Variants in COG2 observed in about 807,000 individuals in gnomAD.
COG2 encodes the protein component of oligomeric golgi complex 2, also known as conserved oligomeric Golgi complex subunit 2.
In COG2, 52 loss-of-function variants were observed where a neutral mutation model predicts 90.6. That is an observed-to-expected ratio of 0.57 (90% CI 0.46 to 0.72). The LOEUF (loss-of-function observed/expected upper bound fraction) is 0.72. COG2 is among the 30% of genes least tolerant of loss of function. The probability of loss-of-function intolerance (pLI) is 0.00; values close to 1 mark genes in which losing one functional copy is unlikely to be tolerated. For synonymous variants in COG2, 337 were observed against 320.4 expected (o/e 1.05, Z -0.55); for missense variants, 829 against 891.2 (o/e 0.93, Z 0.89).
At chr1:230,645,143 G>A (rs369897782) in intron 1 of COG2, among the ~76,000 whole-genome samples, 1 of 151,506 alleles carries the variant, frequency 6.6e-6, no homozygotes, top group Non-Finnish European at 1.5e-5. Flanking sequence ...GCTGAGGTGG[G>A]AGGATTACCT....
chr1:230,691,140 CTA>C (rs1317813516), intron 16 of COG2, among the ~76,000 whole-genome samples: 1 of 149,498 alleles, frequency 6.7e-6, no homozygotes, highest in East Asian at 1.9e-4. Context: ...TGAGGGAATG[CTA>C]TGTTAGACAC....
chr1:230,667,984 C>G (rs1662360119), intron 5 of COG2, among the ~76,000 whole-genome samples: 1 of 152,106 alleles, frequency 6.6e-6, no homozygotes, highest in African/African-American at 2.4e-5. Context: ...AGAATGCCCT[C>G]TCACTAGGAC....
chr1:230,659,586 C>T lies in COG2; in HGVS notation c.195C>T (p.Asn65=), dbSNP rs1381769606. ...LLKTAMVELI[N]KDYADFVNLS... is the part of the protein sequence containing the mutation. The stretch of plus-strand genomic sequence containing the variant: ...AAACAGCCATGGTCGAACTCATCAA[C>T]AAGGATTATGCAGATTTTGTCAATC... The change falls in exon 2 of 18, where the codon AAC becomes AAT. Residue 65 remains asparagine, a synonymous_variant. Coordinates refer to ENST00000366669, the MANE Select transcript of COG2 (RefSeq NM_007357.3). 1.9e-6 allele frequency: 3 copies of T among 1,613,996 alleles called. No homozygotes were observed. The highest frequency in any genetic ancestry group is 1.1e-5 in the South Asian group (1 of 91,054).
At position 230,669,966 on chromosome 1, in the gene COG2, G is replaced by A. The variant is rs565490585; in HGVS notation, c.774+431G>A. 40 of 154,886 alleles carry A rather than the reference G, an allele frequency of 2.6e-4. 1 individual carries two copies. Among genetic ancestry groups the A allele is most frequent in the African/African-American group, 9.4e-4 (39 of 41,584 alleles). 9.6% of individuals were successfully genotyped at this position (154,886 alleles called of 1,614,324 possible). ...TGTGAGTGTGGAAAGGTGTGTGAGTGGGGTAGACAGTGGTACCCTCAAGTC... is the reference window on the plus strand; with the variant it reads ...TGTGAGTGTGGAAAGGTGTGTGAGTAGGGTAGACAGTGGTACCCTCAAGTC... On this transcript the variant is annotated intron_variant, in intron 7 of 17. Transcript: ENST00000366669.
At chr1:230,644,816 C>T (rs991499831) in intron 1 of COG2, among the ~76,000 whole-genome samples, 5 of 152,134 alleles carry the variant, frequency 3.3e-5, no homozygotes, top group African/African-American at 1.2e-4. Flanking sequence ...CAGGAAATGA[C>T]ATGATCATGT....
At position 230,693,444 on chromosome 1, in the gene COG2, C is replaced by T. The variant is rs1169343534; in HGVS notation, c.*51C>T. The T allele has an allele frequency of 1.1e-5, 13 of 1,193,082 alleles. No individual in the cohort carries two copies. Among genetic ancestry groups the T allele is most frequent in the Non-Finnish European group, 1.6e-5 (13 of 815,822 alleles). 73.9% of individuals were successfully genotyped at this position (1,193,082 alleles called of 1,614,324 possible). A position where few individuals can be genotyped will look rare whatever the true frequency, so the allele number is the denominator to read the frequency against. ...ATTCTTAAGCAAGAGAAGAGTTGGA[C>T]TTCCAGGCTGAAGGGGAGAAAGTGA... On this transcript the variant is annotated 3_prime_UTR_variant, in exon 18 of 18. Coordinates refer to ENST00000366669, the MANE Select transcript of COG2 (RefSeq NM_007357.3).
chr1:230,671,427 G>A (rs1662445262), intron 7 of COG2, 89 bp from the exon 8 acceptor site: 7 of 1,228,192 alleles, frequency 5.7e-6, no homozygotes, highest in Non-Finnish European at 8.0e-6. Flanking sequence ...AAGCAGATTT[G>A]TAAAGTTTTC....
chr1:230,676,081 C>T (rs1662584561), intron 9 of COG2, among the ~76,000 whole-genome samples: 1 of 152,154 alleles, frequency 6.6e-6, no homozygotes, highest in Admixed American at 6.5e-5. Flanking sequence ...CCTCTTGGCA[C>T]TTTTCTTCCT....
At chr1:230,685,554 AATTTC>A (rs1176040439) in intron 12 of COG2, among the ~76,000 whole-genome samples, 1 of 152,240 alleles carries the variant, frequency 6.6e-6, no homozygotes, top group African/African-American at 2.4e-5. Flanking sequence ...TGTTCATTTT[AATTTC>A]AAGGTGATTA....
intron 3 of COG2, among the ~76,000 whole-genome samples, chr1:230,662,900 G>A (rs1295081668): frequency 2.6e-5 from 4 of 152,198 alleles, no homozygotes; most frequent in African/African-American, 9.6e-5. Context: ...CACCTGTGAT[G>A]CTCATTGTAT....
chr1:230,688,595 T>G (rs1662944288), intron 15 of COG2, 33 bp downstream of exon 15: 1 of 1,610,820 alleles, frequency 6.2e-7, no homozygotes, highest in Admixed American at 1.7e-5. Flanking sequence ...AATTTTGAGG[T>G]GGGGAAGTGT....
At chr1:230,661,578 G>A (rs1395584309) in intron 3 of COG2, 1 of 152,176 alleles carries the variant, frequency 6.6e-6, no homozygotes, top group African/African-American at 2.4e-5. Flanking sequence ...ATTAGATCAT[G>A]CGCAGCTTGA....
intron 10 of COG2, chr1:230,682,638 A>G (rs1481570350): frequency 6.6e-6 from 1 of 152,248 alleles, no homozygotes; most frequent in East Asian, 1.9e-4. Flanking sequence ...CTCTTCAGAC[A>G]GTTGCCTTTA....
intron 8 of COG2, among the ~76,000 whole-genome samples, chr1:230,672,616 A>G (rs1662478222): frequency 6.6e-6 from 1 of 151,834 alleles, no homozygotes; most frequent in African/African-American, 2.4e-5. Context: ...GAATCGCTTG[A>G]GGCCAGGAGT....
intron 8 of COG2, among the ~76,000 whole-genome samples, 171 bp downstream of exon 8, chr1:230,671,811 T>C (rs1259121221): frequency 6.6e-6 from 1 of 152,210 alleles, no homozygotes; most frequent in Admixed American, 6.5e-5. Flanking sequence ...CAGATTCCAT[T>C]AGCCTCATTT....
chr1:230,642,593 C>T lies in COG2; in HGVS notation c.-14C>T, dbSNP rs777696816. On this transcript the variant is annotated 5_prime_UTR_variant, in exon 1 of 18. Coordinates refer to ENST00000366669, the MANE Select transcript of COG2 (RefSeq NM_007357.3). ...TCGCTTGGATCTTGGCACTGAGAGG[C>T]GGTGGCCGGCGGGATGGAGAAAAGT... is the stretch of plus-strand genomic sequence containing the variant. 18 of 1,608,784 alleles carry T rather than the reference C, an allele frequency of 1.1e-5. No homozygotes were observed. In the African/African-American group the frequency reaches 1.5e-4, roughly 13 times the overall value.
At chr1:230,675,224 A>G in intron 9 of COG2, 100 bp downstream of exon 9, 1 of 1,383,128 alleles carries the variant, frequency 7.2e-7, no homozygotes, top group South Asian at 2.0e-5. Context: ...TGGTTTATTA[A>G]AAATAAAAAT....
At chr1:230,684,993 C>T in intron 11 of COG2, 92 bp from the exon 12 acceptor site, 1 of 1,451,308 alleles carries the variant, frequency 6.9e-7, no homozygotes, top group Non-Finnish European at 9.4e-7. Context: ...TTTTCTTTAC[C>T]TTTGAATCGT....
Position 230,682,225 on chromosome 1 carries a change from TC to T in COG2, c.1167-1347del. On this transcript the variant is annotated intron_variant, in intron 10 of 17. Transcript: ENST00000366669. The stretch of plus-strand genomic sequence containing the variant: ...GGCCTTTTCTGTATCAGGGCTAACT[TC>T]CTATATTTTGTTTAGATTTTGAAAA... 3 of 152,326 alleles carry T rather than the reference TC, an allele frequency of 2.0e-5. 1 individual carries two copies. The highest frequency in any genetic ancestry group is 4.4e-5 in the Non-Finnish European group (3 of 68,038). The allele number at this position is 152,326 out of a possible 1,614,324, so 9.4% of individuals were successfully genotyped here.
Sources: gnomAD v4.1 joint callset for allele counts (sites outside exome capture counted in the v4.1 genomes callset) on GRCh38, gnomAD v4.1.1 for gene constraint, MANE v1.5 for transcripts, NCBI Gene and HGNC (gene_info 2026-07-23, HGNC 2026-07-21) for gene names.